Variants in EDARADD observed in about 807,000 individuals in gnomAD.
EDARADD encodes ectodysplasin-A receptor-associated adapter protein.
Under a neutral mutation model 25.6 loss-of-function variants are expected in EDARADD, and 20 were observed. That is an observed-to-expected ratio of 0.78 (90% CI 0.55 to 1.14). The LOEUF (loss-of-function observed/expected upper bound fraction) is 1.14. Ranked by LOEUF, EDARADD falls within the 50% of genes most tolerant of loss-of-function variation. The pLI is 0.00. For missense variants in EDARADD, 225 were observed against 270.1 expected (o/e 0.83, Z 1.17); for synonymous variants, 86 against 94.4 (o/e 0.91, Z 0.52).
At chr1:236,469,676 A>G (rs1659307428) in intron 5 of EDARADD, among the ~76,000 whole-genome samples, 1 of 152,166 alleles carries the variant, frequency 6.6e-6, no homozygotes, top group Admixed American at 6.5e-5. Flanking sequence ...CAGAAGGTGC[A>G]GTGCGTACTC....
chr1:236,395,656 C>T lies in EDARADD; in HGVS notation c.61+1151C>T. On this transcript the variant is annotated intron_variant, in intron 1 of 5. Transcript: ENST00000334232. The surrounding 1 kb of genome is among the most constrained non-coding windows in gnomAD (Gnocchi z 6.9). The stretch of plus-strand genomic sequence containing the variant: ...TGGCTTCACCGGACGACCCTCTGCG[C>T]GCAGGTAAAGGGACACAGCGCCGCG... The T allele has an allele frequency of 1.3e-6, 2 of 1,576,014 alleles. No homozygotes were observed. Among genetic ancestry groups the T allele is most frequent in the Non-Finnish European group, 1.7e-6 (2 of 1,163,744 alleles).
rs1405301550 is a variant in EDARADD at position 236,354,129 on chromosome 1, T to C, written c.-6+3290T>C. Among the ~76,000 whole-genome samples, 3 of 152,296 alleles carry C rather than the reference T, an allele frequency of 2.0e-5. No individual in the cohort carries two copies. In the East Asian group the frequency reaches 5.8e-4, roughly 29 times the overall value. On this transcript the variant is annotated intron_variant, in intron 3 of 7. Transcript: ENST00000439430. ...GAAGATGAACTCTCAATCATTTAGA[T>C]ACTTAAAAGCCTAGACACAGCACAA...
At chr1:236,454,831 T>C (rs1658811951) in intron 4 of EDARADD, among the ~76,000 whole-genome samples, 1 of 152,114 alleles carries the variant, frequency 6.6e-6, no homozygotes, top group Non-Finnish European at 1.5e-5. Flanking sequence ...TTTTCCACAG[T>C]TCTGAATGAT....
Position 236,421,433 on chromosome 1 carries a change from A to G in EDARADD, c.161-5959A>G, listed in dbSNP as rs916939391. On this transcript the variant is annotated intron_variant, in intron 3 of 5. Coordinates refer to ENST00000334232, the MANE Select transcript of EDARADD (RefSeq NM_145861.4). Reference sequence around the variant, plus strand: ...GTTGTTTGGCTAGGGGACTTTGGCCATGGGAGCAGAGTGGGAAGGAGACTT... The same window carrying G: ...GTTGTTTGGCTAGGGGACTTTGGCCGTGGGAGCAGAGTGGGAAGGAGACTT... Among the ~76,000 whole-genome samples the G allele has an allele frequency of 2.8e-5, 4 of 141,820 alleles. No homozygotes were observed. The South Asian group carries it at 9.9e-4, about 35-fold the overall frequency. The allele number at this position is 141,820 out of a possible 152,430, so 93.0% of individuals were successfully genotyped here.
intron 4 of EDARADD, among the ~76,000 whole-genome samples, chr1:236,463,965 A>G (rs991179686): frequency 2.0e-5 from 3 of 152,208 alleles, no homozygotes; most frequent in African/African-American, 7.2e-5. Flanking sequence ...CACCCAGGGC[A>G]CAGAACCCAG....
chr1:236,406,424 C>G (rs1425265330), intron 1 of EDARADD, among the ~76,000 whole-genome samples: 2 of 152,090 alleles, frequency 1.3e-5, no homozygotes, highest in Non-Finnish European at 2.9e-5. Context: ...TGGTGAGCGT[C>G]ATAGAGTTCA....
chr1:236,402,540 G>C (rs1316202532), intron 1 of EDARADD, among the ~76,000 whole-genome samples: 2 of 152,148 alleles, frequency 1.3e-5, no homozygotes, highest in African/African-American at 4.8e-5. Context: ...CTGGGTGAGA[G>C]AGTGAAACCC....
chr1:236,423,149 A>G (rs1156480645), intron 3 of EDARADD, among the ~76,000 whole-genome samples: 2 of 152,186 alleles, frequency 1.3e-5, no homozygotes, highest in African/African-American at 4.8e-5. Flanking sequence ...GTAGACTTTT[A>G]TTGGAGGGGC....
chr1:236,443,143 A>G (rs1250119913), intron 4 of EDARADD, among the ~76,000 whole-genome samples: 1 of 152,196 alleles, frequency 6.6e-6, no homozygotes, highest in African/African-American at 2.4e-5. Context: ...GAAGGCCCTC[A>G]CCAGATGCAG....
At chr1:236,416,799 T>C (rs1657650247) in intron 3 of EDARADD, among the ~76,000 whole-genome samples, 1 of 152,222 alleles carries the variant, frequency 6.6e-6, no homozygotes, top group African/African-American at 2.4e-5. Flanking sequence ...TGCTAGCATT[T>C]TTCTTTGATG....
At chr1:236,411,891 G>C (rs1311720887) in intron 2 of EDARADD, among the ~76,000 whole-genome samples, 4 of 152,090 alleles carry the variant, frequency 2.6e-5, no homozygotes, top group African/African-American at 9.7e-5. Context: ...ATTGGGTCAA[G>C]GGCCTACCCT....
intron 4 of EDARADD, among the ~76,000 whole-genome samples, chr1:236,430,205 T>A (rs577580999): frequency 6.6e-6 from 1 of 152,368 alleles, no homozygotes; most frequent in African/African-American, 2.4e-5. Context: ...CACTCTTTAC[T>A]CCTGATACTC....
intron 4 of EDARADD, among the ~76,000 whole-genome samples, chr1:236,430,570 A>AATACCT (rs1243174038): frequency 1.3e-5 from 2 of 152,186 alleles, no homozygotes; most frequent in Admixed American, 6.5e-5. Context: ...AAATAGGGGA[A>AATACCT]ATACCTCTTT....
In EDARADD at chr1:236,373,002, G is replaced by A. The variant is rs376620544; in HGVS notation, c.-6+22163G>A. On this transcript the variant is annotated intron_variant, in intron 3 of 7. Transcript: ENST00000439430. ...GCGATCTCGGCTCACTGCAAGCTCC[G>A]CCTCCCGGGTTCATGCCATTCTCCT... 9.6e-3 allele frequency among the ~76,000 whole-genome samples: 1,311 copies of A among 137,234 alleles called. 27 individuals carry two copies. Among genetic ancestry groups the A allele is most frequent in the African/African-American group, 0.034 (1,255 of 36,940 alleles). 90.0% of individuals were successfully genotyped at this position (137,234 alleles called of 152,430 possible). A position where few individuals can be genotyped will look rare whatever the true frequency, so the allele number is the denominator to read the frequency against.
rs892153530 is a variant in EDARADD at position 236,418,930 on chromosome 1, C to T, written c.160+4631C>T. 2.6e-5 allele frequency among the ~76,000 whole-genome samples: 4 copies of T among 152,272 alleles called. No individual in the cohort carries two copies. In the East Asian group the frequency reaches 7.7e-4, roughly 29 times the overall value. The stretch of plus-strand genomic sequence containing the variant: ...CCCGCTCCCCAAGCCTTGACAGAGA[C>T]CCTCTTGGGAATCTTCTGTTACAGT... On this transcript the variant is annotated intron_variant, in intron 3 of 5. Coordinates refer to ENST00000334232, the MANE Select transcript of EDARADD (RefSeq NM_145861.4).
chr1:236,468,737 C>A (rs1475501371), intron 5 of EDARADD, among the ~76,000 whole-genome samples: 1 of 152,224 alleles, frequency 6.6e-6, no homozygotes, highest in African/African-American at 2.4e-5. Flanking sequence ...AAAGCCGTAT[C>A]TTACAAGACT....
intron 4 of EDARADD, among the ~76,000 whole-genome samples, chr1:236,439,807 T>G (rs1658354484): frequency 6.6e-6 from 1 of 152,214 alleles, no homozygotes; most frequent in African/African-American, 2.4e-5. Context: ...TTCTTTTCAT[T>G]CTTTTGACAG....
intron 4 of EDARADD, among the ~76,000 whole-genome samples, chr1:236,448,098 G>C (rs1425385139): frequency 6.6e-6 from 1 of 152,218 alleles, no homozygotes; most frequent in Non-Finnish European, 1.5e-5. Context: ...GGCTCCCAAA[G>C]TGCTGGGATT....
upstream of EDARADD, among the ~76,000 whole-genome samples, chr1:236,392,325 T>G (rs1667435446): frequency 6.6e-6 from 1 of 152,050 alleles, no homozygotes; most frequent in Admixed American, 6.6e-5. Flanking sequence ...GGCCTTAGTT[T>G]AGGTTTGTTT....
Sources: gnomAD v4.1 joint callset for allele counts (sites outside exome capture counted in the v4.1 genomes callset) on GRCh38, gnomAD v4.1.1 for gene constraint, Gnocchi (gnomAD v3.1) non-coding constraint, MANE v1.5 for transcripts, NCBI Gene and HGNC (gene_info 2026-07-23, HGNC 2026-07-21) for gene names.